CACNA1C: variants seen among roughly 807,000 people sequenced by gnomAD.
The protein encoded by CACNA1C is calcium voltage-gated channel subunit alpha1 C.
A neutral mutation model predicts 229.0 loss-of-function variants in CACNA1C; 30 were observed. The observed-to-expected ratio is 0.13, with a 90% CI of 0.10 to 0.18. The LOEUF (loss-of-function observed/expected upper bound fraction) is 0.18, where lower values mean the gene tolerates loss of function less well. Ranked by LOEUF, CACNA1C falls within the 10% of genes least tolerant of loss-of-function variation. The pLI is 1.00. For synonymous variants in CACNA1C, 1,114 were observed against 1,132.5 expected (o/e 0.98, Z 0.33); for missense variants, 1,658 against 2,845.0 (o/e 0.58, Z 9.49).
chr12:2,466,895 C>T (rs928407783), intron 5 of CACNA1C, among the ~76,000 whole-genome samples: 1 of 152,176 alleles, frequency 6.6e-6, no homozygotes, highest in Non-Finnish European at 1.5e-5. Context: ...CCCCTGTTCT[C>T]ACCCCCTCTC....
intron 3 of CACNA1C, among the ~76,000 whole-genome samples, chr12:2,190,278 A>G (rs2097169770): frequency 6.6e-6 from 1 of 152,248 alleles, no homozygotes; most frequent in Non-Finnish European, 1.5e-5. Flanking sequence ...GATGGAGCAC[A>G]GTGAAAAATT....
chr12:2,542,243 A>G (rs904309573), intron 9 of CACNA1C, among the ~76,000 whole-genome samples: 3 of 152,176 alleles, frequency 2.0e-5, no homozygotes, highest in Non-Finnish European at 4.4e-5. Context: ...TCATCTTTGG[A>G]CACATCATGC....
chr12:2,365,104 G>T (rs2097689649), intron 3 of CACNA1C, among the ~76,000 whole-genome samples: 1 of 152,242 alleles, frequency 6.6e-6, no homozygotes, highest in Non-Finnish European at 1.5e-5. Flanking sequence ...AGTAGTGGAA[G>T]AACCTCCTGA....
At chr12:2,579,443 G>A (rs1022511340) in intron 13 of CACNA1C, among the ~76,000 whole-genome samples, 5 of 151,976 alleles carry the variant, frequency 3.3e-5, no homozygotes, top group Non-Finnish European at 5.9e-5. Context: ...TGGACTGGTC[G>A]CCTGAGGATT....
chr12:2,195,264 G>A lies in CACNA1C; in HGVS notation c.477+74834G>A, dbSNP rs547246493. ...TTAAGGCATGTCCTGATCACAGCTG[G>A]AGGACCTCACCACGCCCCTCCCTGT... On this transcript the variant is annotated intron_variant, in intron 3 of 46. Coordinates refer to ENST00000399655, the MANE Select transcript of CACNA1C (RefSeq NM_000719.7). Among the ~76,000 whole-genome samples the A allele has an allele frequency of 1.1e-4, 17 of 152,290 alleles. 1 individual carries two copies. In the South Asian group the frequency reaches 3.5e-3, roughly 32 times the overall value.
intron 10 of CACNA1C, 79 bp downstream of exon 10, chr12:2,550,112 G>A: frequency 9.9e-7 from 1 of 1,007,232 alleles, no homozygotes; most frequent in African/African-American, 1.6e-5. Flanking sequence ...AAATCACAGT[G>A]GGCTGGCTCA....
In CACNA1C at chr12:2,653,737, C is replaced by A; in HGVS notation, c.4075-98C>A. Reference sequence around the variant, plus strand: ...TCCCCCGGCCCAAACCGGGCAATAGCTGATGGCTGCAGAGACAGGGATGCG... The same window carrying A: ...TCCCCCGGCCCAAACCGGGCAATAGATGATGGCTGCAGAGACAGGGATGCG... On this transcript the variant is annotated intron_variant, in intron 32 of 46. Coordinates refer to ENST00000399655, the MANE Select transcript of CACNA1C (RefSeq NM_000719.7). This position sits in a 1 kb window ranked among gnomAD's most constrained non-coding sequence, Gnocchi z 4.7. 9.7e-7 allele frequency: 1 copy of A among 1,027,348 alleles called. No individual in the cohort carries two copies. The highest frequency in any genetic ancestry group is 2.2e-4 in the Middle Eastern group (1 of 4,602). The allele number at this position is 1,027,348 out of a possible 1,614,324, so 63.6% of individuals were successfully genotyped here.
At chr12:2,344,386 T>C (rs2154523104) in intron 3 of CACNA1C, among the ~76,000 whole-genome samples, 1 of 152,284 alleles carries the variant, frequency 6.6e-6, no homozygotes, top group South Asian at 2.1e-4. Flanking sequence ...TGAAGGTAGC[T>C]CTGGGTTCTC....
rs1173010543 is a variant in CACNA1C at position 2,446,199 on chromosome 12, G to GTGGATGGATGGA, written c.478-2753_478-2742dup. Among the ~76,000 whole-genome samples, 1,279 of 137,008 alleles carry GTGGATGGATGGA rather than the reference G, an allele frequency of 9.3e-3. 25 individuals are homozygous for GTGGATGGATGGA. The highest frequency in any genetic ancestry group is 0.032 in the African/African-American group (1,148 of 35,934). 89.9% of individuals were successfully genotyped at this position (137,008 alleles called of 152,430 possible). A position where few individuals can be genotyped will look rare whatever the true frequency, so the allele number is the denominator to read the frequency against. ...TGGATGGATATATGTAGGTGGGTGG[G>GTGGATGGATGGA]TGGATGGATGGATGGATGGATGGAT... On this transcript the variant is annotated intron_variant, in intron 3 of 46. Transcript: ENST00000399655.
intron 3 of CACNA1C, among the ~76,000 whole-genome samples, chr12:2,431,047 A>G (rs2099078606): frequency 6.6e-6 from 1 of 152,138 alleles, no homozygotes; most frequent in South Asian, 2.1e-4. Context: ...ACGGGTGGCC[A>G]TGGGCAGGGT....
rs185322757 is a variant in CACNA1C, at chr12:2,346,090, G to A, written c.478-102886G>A. On this transcript the variant is annotated intron_variant, in intron 3 of 46. Transcript: ENST00000399655. This position sits in a 1 kb window ranked among gnomAD's most constrained non-coding sequence, Gnocchi z 4.4. ...CAGCCTCTGTGTTCCATTTAGAACC[G>A]CTGAAGCTCCCCAGGTGCACCAGGA... 1.3e-3 allele frequency among the ~76,000 whole-genome samples: 197 copies of A among 152,274 alleles called. No homozygotes were observed. Among genetic ancestry groups the A allele is most frequent in the Non-Finnish European group, 2.4e-3 (162 of 68,012 alleles).
chr12:2,116,602 C>T (rs993387048), intron 2 of CACNA1C, among the ~76,000 whole-genome samples: 3 of 152,200 alleles, frequency 2.0e-5, no homozygotes, highest in East Asian at 3.9e-4. Flanking sequence ...CTCCTAACCT[C>T]GTGATCTGCC....
chr12:2,308,926 A>G (rs1021582973), intron 3 of CACNA1C, among the ~76,000 whole-genome samples: 31 of 152,334 alleles, frequency 2.0e-4, no homozygotes, highest in African/African-American at 7.0e-4. Flanking sequence ...ATGGAAAACA[A>G]CATGGAGGCT....
At chr12:2,650,520 G>A (rs1427608863) in intron 31 of CACNA1C, among the ~76,000 whole-genome samples, 2 of 152,194 alleles carry the variant, frequency 1.3e-5, no homozygotes, top group Admixed American at 6.5e-5. Flanking sequence ...GTGCCCGCAG[G>A]TCTGGGTGAG....
intron 3 of CACNA1C, among the ~76,000 whole-genome samples, chr12:2,224,504 T>G (rs1041453664): frequency 1.3e-5 from 2 of 152,224 alleles, no homozygotes; most frequent in African/African-American, 4.8e-5. Flanking sequence ...GCCCCTGTTC[T>G]GCTCCACCCC....
chr12:2,690,579 C>A (rs1248185169), intron 46 of CACNA1C, among the ~76,000 whole-genome samples: 1 of 152,244 alleles, frequency 6.6e-6, no homozygotes, highest in Non-Finnish European at 1.5e-5. Context: ...AGCAGTCCTT[C>A]TGCCTGGGCT....
chr12:2,107,226 G>T (rs1394795733), intron 1 of CACNA1C, among the ~76,000 whole-genome samples: 7 of 146,364 alleles, frequency 4.8e-5, no homozygotes, highest in Admixed American at 4.7e-4. Flanking sequence ...GAAGCCGCTG[G>T]GCGTCCTTAA....
intron 3 of CACNA1C, among the ~76,000 whole-genome samples, chr12:2,381,334 A>G (rs989760528): frequency 1.5e-4 from 23 of 152,246 alleles, no homozygotes; most frequent in African/African-American, 5.5e-4. Flanking sequence ...ATGCTCCCCA[A>G]GGATCCATCT....
chr12:2,492,013 C>T (rs2099736350), intron 6 of CACNA1C, among the ~76,000 whole-genome samples: 1 of 148,554 alleles, frequency 6.7e-6, no homozygotes, highest in Non-Finnish European at 1.5e-5. Context: ...AGTGTATTTT[C>T]ATTGTTATAG....
Sources: gnomAD v4.1 joint callset for allele counts (sites outside exome capture counted in the v4.1 genomes callset) on GRCh38, gnomAD v4.1.1 for gene constraint, Gnocchi (gnomAD v3.1) non-coding constraint, MANE v1.5 for transcripts, NCBI Gene and HGNC (gene_info 2026-07-23, HGNC 2026-07-21) for gene names.